EXOC6B: variants seen among roughly 807,000 people sequenced by gnomAD.
EXOC6B encodes SEC15 homolog B.
In EXOC6B, 54 loss-of-function variants were observed where a neutral mutation model predicts 113.5. That is an observed-to-expected ratio of 0.48 (90% CI 0.38 to 0.60). The LOEUF is 0.60. EXOC6B is among the 20% of genes least tolerant of loss of function. The pLI, the probability that EXOC6B is intolerant of heterozygous loss-of-function variation, is 0.00. For synonymous variants in EXOC6B, 357 were observed against 339.0 expected (o/e 1.05, Z -0.58); for missense variants, 797 against 977.5 (o/e 0.82, Z 2.46).
At chr2:72,400,187 A>G (rs1027875274) in intron 18 of EXOC6B, among the ~76,000 whole-genome samples, 2 of 152,134 alleles carry the variant, frequency 1.3e-5, no homozygotes, top group African/African-American at 4.8e-5. Context: ...TGTAGAAAGT[A>G]CCCCTATTCA....
At chr2:72,682,339 G>A (rs1676766593) in intron 6 of EXOC6B, among the ~76,000 whole-genome samples, 1 of 152,146 alleles carries the variant, frequency 6.6e-6, no homozygotes, top group South Asian at 2.1e-4. Flanking sequence ...AATCCCAGGA[G>A]TTGAGGATCA....
intron 17 of EXOC6B, among the ~76,000 whole-genome samples, chr2:72,474,360 A>G (rs678684): frequency 0.16 from 23,673 of 152,000 alleles, 2,558 homozygotes; most frequent in African/African-American, 0.31. Context: ...TAAGTTTTCC[A>G]ACTCTTTTTT....
chr2:72,432,361 T>C (rs767731792), intron 18 of EXOC6B, among the ~76,000 whole-genome samples: 2 of 152,216 alleles, frequency 1.3e-5, no homozygotes, highest in African/African-American at 2.4e-5. Flanking sequence ...GTCTTTGCTA[T>C]TGTGAATAGT....
chr2:72,402,185 T>C (rs1055377592), intron 18 of EXOC6B, among the ~76,000 whole-genome samples: 6 of 152,150 alleles, frequency 3.9e-5, no homozygotes, highest in Admixed American at 6.5e-5. Flanking sequence ...TCTCTCATTA[T>C]AGGTCTGTTA....
chr2:72,515,506 A>C, intron 8 of EXOC6B: 1 of 1,029,228 alleles, frequency 9.7e-7, no homozygotes, highest in Non-Finnish European at 1.2e-6. Flanking sequence ...CAGAAGAAAA[A>C]CATCAAGAAT....
chr2:72,517,829 A>C (rs1369968313), intron 8 of EXOC6B, among the ~76,000 whole-genome samples: 2 of 152,204 alleles, frequency 1.3e-5, no homozygotes, highest in African/African-American at 4.8e-5. Context: ...AAAATACATA[A>C]GATGGAATTC....
chr2:72,182,413 C>T (rs554143723), intron 21 of EXOC6B, among the ~76,000 whole-genome samples: 1 of 152,114 alleles, frequency 6.6e-6, no homozygotes, highest in African/African-American at 2.4e-5. Flanking sequence ...TTAAGCACCA[C>T]CTCAAAGGTC....
chr2:72,515,363 C>T, intron 8 of EXOC6B: 2 of 1,116,298 alleles, frequency 1.8e-6, no homozygotes, highest in Non-Finnish European at 2.4e-6. Flanking sequence ...CCTACCAGAA[C>T]TTAATCACCA....
chr2:72,369,715 A>G (rs1433108541), intron 19 of EXOC6B, among the ~76,000 whole-genome samples: 1 of 152,180 alleles, frequency 6.6e-6, no homozygotes, highest in Non-Finnish European at 1.5e-5. Context: ...CTACACATCT[A>G]CAACTATCTG....
intron 8 of EXOC6B, among the ~76,000 whole-genome samples, chr2:72,539,801 T>A (rs1439199608): frequency 6.6e-6 from 1 of 152,044 alleles, no homozygotes; most frequent in African/African-American, 2.4e-5. Flanking sequence ...ATATAATTTT[T>A]TTATTATTAT....
intron 6 of EXOC6B, among the ~76,000 whole-genome samples, chr2:72,700,710 T>C (rs1260352483): frequency 6.6e-6 from 1 of 152,244 alleles, no homozygotes; most frequent in East Asian, 1.9e-4. Flanking sequence ...ACACCTGTAA[T>C]GCCAGCACTT....
chr2:72,590,714 T>C (rs572926302), intron 6 of EXOC6B, among the ~76,000 whole-genome samples: 1 of 152,184 alleles, frequency 6.6e-6, no homozygotes. Context: ...GAAGGTATAT[T>C]TTTATGGACC....
intron 20 of EXOC6B, among the ~76,000 whole-genome samples, chr2:72,296,163 G>C (rs1365275441): frequency 6.6e-6 from 1 of 151,996 alleles, no homozygotes; most frequent in East Asian, 1.9e-4. Flanking sequence ...ATATAATCCT[G>C]AAGTGCTGAA....
At chr2:72,687,332 T>A (rs1368090586) in intron 6 of EXOC6B, among the ~76,000 whole-genome samples, 1 of 152,226 alleles carries the variant, frequency 6.6e-6, no homozygotes, top group Non-Finnish European at 1.5e-5. Flanking sequence ...TCAATACTGT[T>A]GGCTGCACAG....
At chr2:72,426,151 T>C (rs1438297419) in intron 18 of EXOC6B, among the ~76,000 whole-genome samples, 1 of 152,190 alleles carries the variant, frequency 6.6e-6, no homozygotes, top group African/African-American at 2.4e-5. Flanking sequence ...CTCCAACTCA[T>C]TAAGAACATC....
At chr2:72,778,482 G>T (rs1683834174) in intron 1 of EXOC6B, among the ~76,000 whole-genome samples, 1 of 152,134 alleles carries the variant, frequency 6.6e-6, no homozygotes, top group African/African-American at 2.4e-5. Flanking sequence ...CTAGAATAAT[G>T]TACTGTTTAC....
intron 20 of EXOC6B, among the ~76,000 whole-genome samples, chr2:72,231,691 C>A (rs535291628): frequency 6.6e-6 from 1 of 152,094 alleles, no homozygotes; most frequent in East Asian, 1.9e-4. Context: ...AAAAACTTCA[C>A]CAATGAAGAA....
chr2:72,274,937 G>A (rs1158050596), intron 20 of EXOC6B, among the ~76,000 whole-genome samples: 1 of 152,038 alleles, frequency 6.6e-6, no homozygotes, highest in Non-Finnish European at 1.5e-5. Context: ...TAATTAGAGG[G>A]AATAGATAAG....
At chr2:72,369,544 G>A (rs527801584) in intron 19 of EXOC6B, among the ~76,000 whole-genome samples, 6 of 152,164 alleles carry the variant, frequency 3.9e-5, no homozygotes, top group Non-Finnish European at 5.9e-5. Flanking sequence ...AAAAGAGCCC[G>A]CATTGCCAAG....
Sources: allele counts gnomAD v4.1 joint callset (sites outside exome capture counted in the v4.1 genomes callset), GRCh38; gene constraint gnomAD v4.1.1; transcripts MANE v1.5; gene names NCBI Gene and HGNC (gene_info 2026-07-23, HGNC 2026-07-21).